MPP2: variants seen among roughly 807,000 people sequenced by gnomAD.
The protein encoded by MPP2 is MAGUK p55 scaffold protein 2.
Under a neutral mutation model 58.5 loss-of-function variants are expected in MPP2, and 42 were observed. The observed-to-expected ratio is 0.72, with a 90% CI of 0.56 to 0.93. MPP2 has a LOEUF of 0.93. Among genes scored for constraint, MPP2 ranks in the 40% least tolerant of loss-of-function variants. MPP2 has a pLI of 0.00. For synonymous variants in MPP2, 300 were observed against 307.8 expected (o/e 0.97, Z 0.26); for missense variants, 632 against 760.4 (o/e 0.83, Z 1.99).
Position 43,879,745 on chromosome 17 carries a change from A to G in MPP2, c.1353+37T>C. 1 of 1,607,350 alleles carries G rather than the reference A, an allele frequency of 6.2e-7. No homozygotes were observed. Among genetic ancestry groups the G allele is most frequent in the Non-Finnish European group, 8.5e-7 (1 of 1,176,506 alleles). ...GGGGAGCAATGAGGCAGCAGAGAGG[A>G]CATTGGGCAGGCTGGGAAGGAGCAG... On this transcript the variant is annotated intron_variant, in intron 11 of 12. Coordinates refer to ENST00000269095, the MANE Select transcript of MPP2 (RefSeq NM_005374.5). This position sits in a 1 kb window ranked among gnomAD's most constrained non-coding sequence, Gnocchi z 4.1.
At position 43,883,046 on chromosome 17, in the gene MPP2, G is replaced by A; in HGVS notation, c.310C>T (p.Leu104=). ...ILQEPHFQSL[L]ETHDSVASKT... The stretch of plus-strand genomic sequence containing the variant: ...GAGGCCACAGAGTCGTGCGTCTCCA[G>A]GAGGGACTGGGGGGTGGTGGGAAGA... Residue 104 remains leucine (L), a synonymous_variant, in exon 5 of 13, where the codon CTG becomes TTG. Transcript: ENST00000269095. The A allele has an allele frequency of 1.9e-6, 3 of 1,612,238 alleles. No individual in the cohort carries two copies. The South Asian group carries it at 3.3e-5, about 18-fold the overall frequency.
chr17:43,884,843 G>C (rs988103522), intron 3 of MPP2, among the ~76,000 whole-genome samples: 1 of 152,162 alleles, frequency 6.6e-6, no homozygotes, highest in African/African-American at 2.4e-5. Context: ...TTTTCAGCCA[G>C]GCACAGTGGC....
chr17:43,893,513 C>T (rs564687777), intron 3 of MPP2, among the ~76,000 whole-genome samples: 10 of 152,276 alleles, frequency 6.6e-5, no homozygotes, highest in African/African-American at 2.4e-4. Flanking sequence ...ACAGGGGTCC[C>T]CAACCCCCAA....
chr17:43,887,880 TTA>T (rs1369101366), intron 3 of MPP2, among the ~76,000 whole-genome samples: 2 of 152,072 alleles, frequency 1.3e-5, no homozygotes, highest in African/African-American at 4.8e-5. Flanking sequence ...GCCCAGGAGT[TTA>T]TATACACAAT....
intron 3 of MPP2, among the ~76,000 whole-genome samples, chr17:43,886,012 T>A (rs2047352401): frequency 6.6e-6 from 1 of 151,356 alleles, no homozygotes; most frequent in Non-Finnish European, 1.5e-5. Context: ...GGAGGCTGAG[T>A]CATGAGAATC....
intron 3 of MPP2, among the ~76,000 whole-genome samples, chr17:43,893,746 T>C (rs1970271156): frequency 1.3e-5 from 2 of 152,264 alleles, no homozygotes; most frequent in Admixed American, 6.5e-5. Context: ...AACAGTTGCA[T>C]ACCAAAACCA....
rs748468544 is a variant in MPP2 at position 43,882,995 on chromosome 17, T to TG, written c.360dup (p.Ser121GlnfsTer63). ...CTGAATGTAGGGTCCAGGCCAGGGC[T>TG]GGGGGGTGGTGTCTCATAGGTCTTT... On this transcript the variant is annotated frameshift_variant, in exon 5 of 13. Transcript: ENST00000269095. LOFTEE classifies it high-confidence loss of function. 3.7e-6 allele frequency: 6 copies of TG among 1,609,962 alleles called. No individual in the cohort carries two copies. The highest frequency in any genetic ancestry group is 5.1e-6 in the Non-Finnish European group (6 of 1,176,772).
intron 3 of MPP2, among the ~76,000 whole-genome samples, chr17:43,886,588 T>C (rs1397970696): frequency 6.6e-6 from 1 of 152,186 alleles, no homozygotes; most frequent in Non-Finnish European, 1.5e-5. Flanking sequence ...TCCATGTAAA[T>C]TCCTAGAAGT....
rs796337260 is a variant in MPP2, at chr17:43,878,678, C to G, written c.1482+597G>C. On this transcript the variant is annotated intron_variant, in intron 12 of 12. Transcript: ENST00000269095. ...TCCTGGGCCCCAGGCACGCTCTGACCTGGGGCCGGAATGCTGCAGCACCAG... is the reference window on the plus strand; with the variant it reads ...TCCTGGGCCCCAGGCACGCTCTGACGTGGGGCCGGAATGCTGCAGCACCAG... 2.0e-5 allele frequency among the ~76,000 whole-genome samples: 3 copies of G among 152,194 alleles called. No homozygotes were observed. The South Asian group carries it at 6.2e-4, about 31-fold the overall frequency.
At chr17:43,892,633 T>C (rs1365785073) in intron 3 of MPP2, among the ~76,000 whole-genome samples, 2 of 152,088 alleles carry the variant, frequency 1.3e-5, no homozygotes, top group Non-Finnish European at 2.9e-5. Flanking sequence ...AGTTACTGGA[T>C]TGCCTTAGCC....
intron 2 of MPP2, among the ~76,000 whole-genome samples, chr17:43,903,119 T>G (rs573094003): frequency 6.6e-6 from 1 of 151,794 alleles, no homozygotes; most frequent in South Asian, 2.1e-4. Context: ...TCTACAAAAA[T>G]ACAAAAATTA....
chr17:43,900,288 C>T (rs571615066), intron 2 of MPP2, among the ~76,000 whole-genome samples: 1 of 152,320 alleles, frequency 6.6e-6, no homozygotes, highest in East Asian at 1.9e-4. Context: ...ATGCCAGATT[C>T]CCTCCGTTAT....
chr17:43,889,862 G>C (rs1332030766), intron 3 of MPP2, among the ~76,000 whole-genome samples: 6 of 141,090 alleles, frequency 4.3e-5, no homozygotes, highest in Non-Finnish European at 9.0e-5. Context: ...GCCCAGGCTG[G>C]AGTGCAGTGG....
At position 43,891,747 on chromosome 17, in the gene MPP2, A is replaced by C. The variant is rs181192515; in HGVS notation, c.150+6515T>G. Reference sequence around the variant, plus strand: ...CTCACCTTTCTTTTAAAATAAATACATAAAGAAATATTAATTTTTTAAAAA... The same window carrying C: ...CTCACCTTTCTTTTAAAATAAATACCTAAAGAAATATTAATTTTTTAAAAA... On this transcript the variant is annotated intron_variant, in intron 3 of 12. Coordinates refer to ENST00000269095, the MANE Select transcript of MPP2 (RefSeq NM_005374.5). Among the ~76,000 whole-genome samples, 49 of 152,308 alleles carry C rather than the reference A, an allele frequency of 3.2e-4. 1 individual carries two copies. The highest frequency in any genetic ancestry group is 2.9e-3 in the Admixed American group (45 of 15,304).
In MPP2 at chr17:43,875,613, G is replaced by C. The variant is rs1260168889; in HGVS notation, c.*2194C>G. Reference sequence around the variant, plus strand: ...CCAACCCAGCCCCAGCCCTGTTCCAGGTGAGCCAAGGACTGACAGCCTCTG... The same window carrying C: ...CCAACCCAGCCCCAGCCCTGTTCCACGTGAGCCAAGGACTGACAGCCTCTG... On this transcript the variant is annotated 3_prime_UTR_variant, in exon 13 of 13. Transcript: ENST00000269095. The C allele has an allele frequency of 1.3e-5, 2 of 152,114 alleles. No homozygotes were observed. The highest frequency in any genetic ancestry group is 2.4e-5 in the African/African-American group (1 of 41,226). 9.4% of individuals were successfully genotyped at this position (152,114 alleles called of 1,614,324 possible). A position where few individuals can be genotyped will look rare whatever the true frequency, so the allele number is the denominator to read the frequency against.
Position 43,881,323 on chromosome 17 carries a change from A to C in MPP2, c.840T>G (p.Ala280=). 6.2e-7 allele frequency: 1 copy of C among 1,614,106 alleles called. No individual in the cohort carries two copies. The highest frequency in any genetic ancestry group is 8.5e-7 in the Non-Finnish European group (1 of 1,180,008). Residue 280 remains alanine (A), a synonymous_variant, in exon 8 of 13, where the codon GCT becomes GCG. Transcript: ENST00000269095. Reference sequence around the variant, plus strand: ...CCAGCAGCTGGCTGGGAATGAGCCCAGCACTGCCCCCTTCGACATGGCATG... The same window carrying C: ...CCAGCAGCTGGCTGGGAATGAGCCCCGCACTGCCCCCTTCGACATGGCATG... The part of the protein sequence containing the change: ...WQACHVEGGS[A]GLIPSQLLEE...
intron 5 of MPP2, 93 bp from the exon 6 acceptor site, chr17:43,882,604 ACCCACCCACC>A: frequency 1.0e-6 from 1 of 966,866 alleles, no homozygotes; most frequent in Non-Finnish European, 1.4e-6. Flanking sequence ...TCCTGTCCCT[ACCCACCCACC>A]CCCACCCTCA....
chr17:43,909,472 G>T, upstream of MPP2: 1 of 1,008,764 alleles, frequency 9.9e-7, no homozygotes, highest in Non-Finnish European at 1.3e-6. Context: ...TCAGCTATTT[G>T]TATTTTGGAA....
chr17:43,893,990 A>G (rs1292971033), intron 3 of MPP2, among the ~76,000 whole-genome samples: 3 of 152,106 alleles, frequency 2.0e-5, no homozygotes, highest in Non-Finnish European at 4.4e-5. Flanking sequence ...AAGCACACGT[A>G]ATGGCCAGGC....
Sources: gnomAD v4.1 joint callset for allele counts (sites outside exome capture counted in the v4.1 genomes callset) on GRCh38, gnomAD v4.1.1 for gene constraint, Gnocchi (gnomAD v3.1) non-coding constraint, MANE v1.5 for transcripts, NCBI Gene and HGNC (gene_info 2026-07-23, HGNC 2026-07-21) for gene names.